The following PRH1 variants were observed in gnomAD, a reference collection of about 807,000 sequenced individuals.
PRH1 encodes the protein salivary acidic proline-rich phosphoprotein 1/2.
Under a neutral mutation model 7.9 loss-of-function variants are expected in PRH1, and 7 were observed. The observed-to-expected ratio is 0.89, with a 90% CI of 0.50 to 1.67. PRH1 has a LOEUF of 1.67. PRH1 is among the 40% of genes most tolerant of loss of function. The pLI is 0.00. For synonymous variants in PRH1, 45 were observed against 80.8 expected, an observed-to-expected ratio of 0.56 and a Z score of 2.38; for missense variants, 109 against 223.6, an observed-to-expected ratio of 0.49 and a Z score of 3.27.
chr12:11,064,677 T>C (rs189567419), intron 1 of PRH1, among the ~76,000 whole-genome samples: 1 of 152,314 alleles, frequency 6.6e-6, no homozygotes, highest in East Asian at 1.9e-4. Flanking sequence ...CAAGACATTA[T>C]TATTTTATGC....
chr12:11,129,586 A>C (rs75891087), intron 1 of PRH1, among the ~76,000 whole-genome samples: 18,952 of 150,248 alleles, frequency 0.13, no homozygotes, highest in Non-Finnish European at 0.16. Context: ...GGGTTATCGA[A>C]TGAATGCAGA....
chr12:11,123,241 T>C (rs1945974737), intron 1 of PRH1, among the ~76,000 whole-genome samples: 1 of 152,290 alleles, frequency 6.6e-6, no homozygotes, highest in African/African-American at 2.4e-5. Flanking sequence ...TTATTTGATA[T>C]ATATTTGGGC....
At chr12:10,922,825 C>CTTTCTT (rs1555107575) in intron 2 of PRH1, among the ~76,000 whole-genome samples, 1 of 113,550 alleles carries the variant, frequency 8.8e-6, no homozygotes, top group African/African-American at 3.0e-5. Context: ...TGAATTTTTT[C>CTTTCTT]TTTTTCTTTT....
intron 1 of PRH1, among the ~76,000 whole-genome samples, chr12:11,092,713 T>C (rs1295634721): frequency 8.6e-6 from 1 of 115,766 alleles, no homozygotes; most frequent in Non-Finnish European, 2.0e-5. Flanking sequence ...AGAAACGTTC[T>C]CCAAGTCCCC....
chr12:11,051,270 G>A (rs1398106170), upstream of PRH1, among the ~76,000 whole-genome samples: 3 of 152,058 alleles, frequency 2.0e-5, no homozygotes, highest in African/African-American at 7.2e-5. Flanking sequence ...GGGGTTGGCA[G>A]GAAACATCTT....
chr12:11,116,226 A>G (rs745863492), downstream of PRH1, among the ~76,000 whole-genome samples: 27 of 152,088 alleles, frequency 1.8e-4, no homozygotes, highest in Non-Finnish European at 3.4e-4. Context: ...TACCACTGAA[A>G]TTCAAAGAAT....
intron 1 of PRH1, among the ~76,000 whole-genome samples, chr12:11,099,297 CAGA>C (rs916674135): frequency 1.3e-5 from 2 of 152,092 alleles, no homozygotes; most frequent in African/African-American, 4.8e-5. Flanking sequence ...ACACTGTTCC[CAGA>C]AGGAGAATGA....
Position 11,148,011 on chromosome 12 carries a change from T to A in PRH1, n.39+23411A>T, listed in dbSNP as rs534085893. On this transcript the variant is annotated intron_variant and non_coding_transcript_variant, in intron 1 of 1. Transcript: ENST00000541175. ...TTGAAGAGGTCCTTCACATCCCTTG[T>A]AAGTTGGACTCCTAGGTATTTTATT... Among the ~76,000 whole-genome samples, 3 of 147,246 alleles carry A rather than the reference T, an allele frequency of 2.0e-5. No individual in the cohort carries two copies. In the East Asian group the frequency reaches 6.0e-4, roughly 29 times the overall value.
intron 2 of PRH1, among the ~76,000 whole-genome samples, chr12:10,922,406 T>C (rs1003735548): frequency 1.3e-5 from 2 of 152,232 alleles, no homozygotes; most frequent in Admixed American, 1.3e-4. Context: ...TGTAGAAATG[T>C]TCATCTTTTT....
chr12:11,171,606 C>A (rs866470561), upstream of PRH1: 12 of 1,209,968 alleles, frequency 9.9e-6, no homozygotes, highest in Non-Finnish European at 1.2e-5. Flanking sequence ...GCATGATGGC[C>A]GACTCCCAGG....
At chr12:11,105,998 T>C (rs1310522832) in intron 1 of PRH1, among the ~76,000 whole-genome samples, 1 of 46,684 alleles carries the variant, frequency 2.1e-5, no homozygotes, top group African/African-American at 6.2e-5. Flanking sequence ...TGGACTGCAG[T>C]GGTGCTATCC....
intron 2 of PRH1, among the ~76,000 whole-genome samples, chr12:10,972,928 A>ACCCCCCCCCCCCC (rs199859766): frequency 1.0e-4 from 10 of 100,384 alleles, no homozygotes; most frequent in African/African-American, 1.9e-4. Context: ...AAGCACCACA[A>ACCCCCCCCCCCCC]CCCACCCCCC....
intron 1 of PRH1, among the ~76,000 whole-genome samples, chr12:10,992,063 G>C (rs1050850484): frequency 2.6e-5 from 4 of 152,054 alleles, no homozygotes; most frequent in Non-Finnish European, 5.9e-5. Context: ...TGACTCCTGA[G>C]GTCAGCCTTT....
At chr12:11,041,665 T>C (rs1942715200) in intron 1 of PRH1, among the ~76,000 whole-genome samples, 1 of 152,190 alleles carries the variant, frequency 6.6e-6, no homozygotes, top group Admixed American at 6.5e-5. Flanking sequence ...ACCCAAAAGT[T>C]GCAGAATAAA....
At chr12:11,152,225 C>CTTCCCCT (rs1186439164) in intron 1 of PRH1, among the ~76,000 whole-genome samples, 1 of 121,492 alleles carries the variant, frequency 8.2e-6, no homozygotes, top group Non-Finnish European at 1.7e-5. Flanking sequence ...AATGCTATCC[C>CTTCCCCT]TCCCCCCTCC....
intron 1 of PRH1, chr12:10,986,702 G>A (rs776505364): frequency 1.2e-6 from 2 of 1,612,454 alleles, no homozygotes; most frequent in Non-Finnish European, 1.7e-6. Flanking sequence ...CAATTCTGGA[G>A]ACCGCCAGAG....
At chr12:11,155,267 T>C (rs1206873854) in intron 1 of PRH1, among the ~76,000 whole-genome samples, 2 of 152,196 alleles carry the variant, frequency 1.3e-5, no homozygotes, top group South Asian at 2.1e-4. Flanking sequence ...ATGCCAACTT[T>C]CCTAAATCTC....
At chr12:10,987,283 T>C (rs990330786) in intron 1 of PRH1, among the ~76,000 whole-genome samples, 6 of 152,186 alleles carry the variant, frequency 3.9e-5, no homozygotes, top group Non-Finnish European at 7.3e-5. Flanking sequence ...AGGGAAATTT[T>C]ACCCCCGAGT....
intron 1 of PRH1, among the ~76,000 whole-genome samples, chr12:11,018,660 C>T (rs1941420685): frequency 1.3e-5 from 2 of 152,224 alleles, no homozygotes; most frequent in African/African-American, 2.4e-5. Context: ...CAACGTGACA[C>T]TTCATCTTTG....
Sources: gnomAD v4.1 joint callset for allele counts (sites outside exome capture counted in the v4.1 genomes callset) on GRCh38, gnomAD v4.1.1 for gene constraint, MANE v1.5 for transcripts, NCBI Gene and HGNC (gene_info 2026-07-23, HGNC 2026-07-21) for gene names.